Variants in ACVR1C observed in about 807,000 individuals in gnomAD.
The protein encoded by ACVR1C is activin receptor type-1C.
A neutral mutation model predicts 57.9 loss-of-function variants in ACVR1C; 23 were observed. The ratio of observed to expected loss-of-function variants is 0.40; its 90% CI spans 0.29 to 0.56. The LOEUF (loss-of-function observed/expected upper bound fraction) is 0.56. ACVR1C is among the 20% of genes least tolerant of loss of function. The probability of loss-of-function intolerance (pLI) is 0.50; values close to 1 mark genes in which losing one functional copy is unlikely to be tolerated. For missense variants in ACVR1C, 480 were observed against 607.9 expected (o/e 0.79, Z 2.21); for synonymous variants, 214 against 215.3 (o/e 0.99, Z 0.05).
At chr2:157,553,445 A>G (rs1162217230) in intron 3 of ACVR1C, among the ~76,000 whole-genome samples, 1 of 151,876 alleles carries the variant, frequency 6.6e-6, no homozygotes, top group Non-Finnish European at 1.5e-5. Flanking sequence ...AAAACGAGAG[A>G]GTCCAGAATC....
At chr2:157,626,760 G>A (rs748641982) in intron 1 of ACVR1C, among the ~76,000 whole-genome samples, 5 of 152,200 alleles carry the variant, frequency 3.3e-5, no homozygotes, top group African/African-American at 4.8e-5. Context: ...AATATACATT[G>A]TTAACGTGGG....
At chr2:157,611,926 A>G (rs557778083) in intron 1 of ACVR1C, among the ~76,000 whole-genome samples, 1 of 152,256 alleles carries the variant, frequency 6.6e-6, no homozygotes, top group African/African-American at 2.4e-5. Flanking sequence ...TCTGTGGTGA[A>G]GGGTGTGGAG....
rs115990933 is a variant in ACVR1C at position 157,612,727 on chromosome 2, A to G, written c.73+15845T>C. Among the ~76,000 whole-genome samples the G allele has an allele frequency of 5.4e-3, 825 of 152,288 alleles. 12 individuals carry two copies. Among genetic ancestry groups the G allele is most frequent in the African/African-American group, 0.019 (787 of 41,564 alleles). On this transcript the variant is annotated intron_variant, in intron 1 of 8. Transcript: ENST00000243349. ...GTGTGCTGCACAGTTCCTTCCCCAG[A>G]GAGTAGTACTCCATGTGGACTAGAG... is the stretch of plus-strand genomic sequence containing the variant.
rs571952800 is a variant in ACVR1C at position 157,599,956 on chromosome 2, C to T, written c.74-12539G>A. 5.3e-5 allele frequency among the ~76,000 whole-genome samples: 8 copies of T among 152,242 alleles called. No individual in the cohort carries two copies. In the East Asian group the frequency reaches 9.6e-4, roughly 18 times the overall value. On this transcript the variant is annotated intron_variant, in intron 1 of 8. Coordinates refer to ENST00000243349, the MANE Select transcript of ACVR1C (RefSeq NM_145259.3). ...ATATGGCCTCTGGGCCTCATGTGTT[C>T]AACTGATCTGTTTAAGAAAGAATTC...
chr2:157,610,014 T>C (rs1227576362), intron 1 of ACVR1C, among the ~76,000 whole-genome samples: 1 of 152,108 alleles, frequency 6.6e-6, no homozygotes, highest in African/African-American at 2.4e-5. Flanking sequence ...GTTTTCTAGT[T>C]GTTTTATAAA....
intron 2 of ACVR1C, among the ~76,000 whole-genome samples, chr2:157,572,366 TAA>T (rs35364996): frequency 1.4e-4 from 18 of 126,556 alleles, no homozygotes; most frequent in African/African-American, 4.7e-4. Flanking sequence ...TAGAGTATAA[TAA>T]AAAAAAAAAT....
At chr2:157,538,102 C>A (rs148099205) in intron 8 of ACVR1C, among the ~76,000 whole-genome samples, 2 of 152,158 alleles carry the variant, frequency 1.3e-5, no homozygotes, top group African/African-American at 2.4e-5. Flanking sequence ...GCCTAGCCCC[C>A]CTGCAGGTGG....
rs16841885 is a variant in ACVR1C, at chr2:157,592,460, G to A, written c.74-5043C>T. Among the ~76,000 whole-genome samples the A allele has an allele frequency of 4.4e-3, 665 of 152,142 alleles. 4 individuals are homozygous for A. The highest frequency in any genetic ancestry group is 0.015 in the African/African-American group (638 of 41,532). ...TGACACCTTACTTTAAATCTTGCACGATGAAAAACACTGGCAAAATTGAGG... is the reference window on the plus strand; with the variant it reads ...TGACACCTTACTTTAAATCTTGCACAATGAAAAACACTGGCAAAATTGAGG... On this transcript the variant is annotated intron_variant, in intron 1 of 8. Transcript: ENST00000243349.
At chr2:157,560,450 G>A (rs1230578815) in intron 2 of ACVR1C, among the ~76,000 whole-genome samples, 1 of 152,124 alleles carries the variant, frequency 6.6e-6, no homozygotes, top group Non-Finnish European at 1.5e-5. Flanking sequence ...ACGGAACCAA[G>A]TGGCCATTTG....
intron 1 of ACVR1C, among the ~76,000 whole-genome samples, chr2:157,599,583 T>C (rs1682235224): frequency 6.6e-6 from 1 of 152,144 alleles, no homozygotes; most frequent in Non-Finnish European, 1.5e-5. Flanking sequence ...CCTGCACACT[T>C]TGGTCTATTT....
chr2:157,557,937 C>T (rs964968255), intron 2 of ACVR1C, among the ~76,000 whole-genome samples: 4 of 152,130 alleles, frequency 2.6e-5, no homozygotes, highest in Admixed American at 6.5e-5. Context: ...GAAACTGACA[C>T]ATTGTTCATT....
chr2:157,597,883 C>T (rs1682174102), intron 1 of ACVR1C, among the ~76,000 whole-genome samples: 1 of 152,120 alleles, frequency 6.6e-6, no homozygotes, highest in South Asian at 2.1e-4. Flanking sequence ...GGAGGATTTG[C>T]TAGACCGGTA....
chr2:157,619,028 G>A (rs1598144), intron 1 of ACVR1C, among the ~76,000 whole-genome samples: 133,156 of 151,882 alleles, frequency 0.88, 58,671 homozygotes, highest in East Asian at 1. Flanking sequence ...AAAGACTTCA[G>A]TAATACTGTC....
chr2:157,557,984 C>G (rs1688144684), intron 2 of ACVR1C, among the ~76,000 whole-genome samples: 1 of 152,182 alleles, frequency 6.6e-6, no homozygotes, highest in Non-Finnish European at 1.5e-5. Context: ...CTGCATCAAT[C>G]CCATTTCATC....
chr2:157,624,815 A>C (rs1297815453), intron 1 of ACVR1C, among the ~76,000 whole-genome samples: 3 of 152,232 alleles, frequency 2.0e-5, no homozygotes, highest in Non-Finnish European at 4.4e-5. Context: ...TTTATCTCAC[A>C]ACAGGACTTC....
intron 2 of ACVR1C, among the ~76,000 whole-genome samples, chr2:157,558,718 C>T (rs775414062): frequency 2.0e-5 from 3 of 152,164 alleles, no homozygotes; most frequent in Non-Finnish European, 4.4e-5. Flanking sequence ...CTAGAGTGTT[C>T]TTAGAATAGG....
chr2:157,614,309 T>C (rs1682595958), intron 1 of ACVR1C, among the ~76,000 whole-genome samples: 1 of 152,188 alleles, frequency 6.6e-6, no homozygotes, highest in Non-Finnish European at 1.5e-5. Context: ...AGTTCATTGC[T>C]TAATAAGTTC....
chr2:157,554,268 A>AAAGGAAGGAAGGAAGGAAGGAAGG (rs1160617438), intron 3 of ACVR1C, among the ~76,000 whole-genome samples: 18 of 113,606 alleles, frequency 1.6e-4, no homozygotes, highest in African/African-American at 9.3e-4. Context: ...AGAAAGAAAG[A>AAAGGAAGGAAGGAAGGAAGGAAGG]AAGGAAGGAA....
chr2:157,539,598 A>G (rs1418671931), intron 7 of ACVR1C, among the ~76,000 whole-genome samples: 1 of 152,228 alleles, frequency 6.6e-6, no homozygotes, highest in Non-Finnish European at 1.5e-5. Context: ...AATTATTAAC[A>G]TGTTTGAAAT....
Sources: gnomAD v4.1 joint callset for allele counts (sites outside exome capture counted in the v4.1 genomes callset) on GRCh38, gnomAD v4.1.1 for gene constraint, MANE v1.5 for transcripts, NCBI Gene and HGNC (gene_info 2026-07-23, HGNC 2026-07-21) for gene names.